Variants in PRKN observed in about 807,000 individuals in gnomAD.
PRKN encodes E3 ubiquitin-protein ligase parkin.
Under a neutral mutation model 59.5 loss-of-function variants are expected in PRKN, and 56 were observed. The observed-to-expected ratio is 0.94, with a 90% CI of 0.76 to 1.18. PRKN has a LOEUF of 1.18. PRKN is among the 50% of genes most tolerant of loss of function. PRKN has a pLI of 0.00. For missense variants in PRKN, 657 were observed against 596.4 expected, an observed-to-expected ratio of 1.10 and a Z score of -1.06; for synonymous variants, 250 against 222.1, an observed-to-expected ratio of 1.13 and a Z score of -1.12.
At chr6:161,422,310 T>C (rs1788140975) in intron 9 of PRKN, among the ~76,000 whole-genome samples, 1 of 151,588 alleles carries the variant, frequency 6.6e-6, no homozygotes, top group Non-Finnish European at 1.5e-5. Flanking sequence ...GTGGTTCTCC[T>C]GCTTCAGCCT....
At chr6:162,513,616 A>C (rs976203715) in intron 1 of PRKN, among the ~76,000 whole-genome samples, 1 of 152,168 alleles carries the variant, frequency 6.6e-6, no homozygotes, top group East Asian at 1.9e-4. Context: ...TCATGACTGG[A>C]CTGTCAAAGT....
chr6:162,213,785 T>C (rs915822952), intron 3 of PRKN, among the ~76,000 whole-genome samples: 4 of 140,394 alleles, frequency 2.8e-5, no homozygotes, highest in African/African-American at 1.1e-4. Flanking sequence ...ATAGTAAAAA[T>C]ATTTCCAAAA....
At chr6:161,794,517 G>A (rs1323470214) in intron 6 of PRKN, among the ~76,000 whole-genome samples, 1 of 152,128 alleles carries the variant, frequency 6.6e-6, no homozygotes, top group Non-Finnish European at 1.5e-5. Flanking sequence ...CTTCCATCCT[G>A]ACAGTTCTTG....
At chr6:162,076,297 A>T (rs927742216) in intron 4 of PRKN, among the ~76,000 whole-genome samples, 2 of 152,116 alleles carry the variant, frequency 1.3e-5, no homozygotes, top group Admixed American at 1.3e-4. Context: ...TCCAAAAAAA[A>T]CCAAATAAGA....
In PRKN at chr6:161,575,848, T is replaced by C. The variant is rs1781110813; in HGVS notation, c.872-6432A>G. Reference sequence around the variant, plus strand: ...TTACAGTGACCTTCTATTTCCCCCCTAAGTACAACTTAGAAAAGGAAACCG... The same window carrying C: ...TTACAGTGACCTTCTATTTCCCCCCCAAGTACAACTTAGAAAAGGAAACCG... On this transcript the variant is annotated intron_variant, in intron 7 of 11. Transcript: ENST00000366898. The surrounding 1 kb of genome is among the most constrained non-coding windows in gnomAD (Gnocchi z 4.6). Among the ~76,000 whole-genome samples the C allele has an allele frequency of 2.6e-5, 4 of 152,306 alleles. No homozygotes were observed. In the South Asian group the frequency reaches 8.3e-4, roughly 32 times the overall value.
chr6:162,038,660 A>C (rs1783939879), intron 5 of PRKN, among the ~76,000 whole-genome samples: 1 of 152,218 alleles, frequency 6.6e-6, no homozygotes, highest in African/African-American at 2.4e-5. Context: ...ACTACAGAAA[A>C]ATAAACCATC....
intron 7 of PRKN, among the ~76,000 whole-genome samples, chr6:161,638,002 T>C (rs532083639): frequency 6.6e-6 from 1 of 152,336 alleles, no homozygotes; most frequent in East Asian, 1.9e-4. Context: ...CTTGCTTTTA[T>C]TTTTCTATCC....
intron 3 of PRKN, among the ~76,000 whole-genome samples, chr6:162,214,715 GATAA>G (rs1172682186): frequency 2.6e-5 from 4 of 152,136 alleles, no homozygotes; most frequent in Non-Finnish European, 5.9e-5. Context: ...TTTCTTAGTT[GATAA>G]ATAGATAGAT....
chr6:161,757,278 T>C, intron 7 of PRKN, among the ~76,000 whole-genome samples: 1 of 152,086 alleles, frequency 6.6e-6, no homozygotes, highest in East Asian at 1.9e-4. Flanking sequence ...AAGACACTGT[T>C]AAGAAAATGA....
At chr6:161,830,775 A>G (rs1792466051) in intron 6 of PRKN, among the ~76,000 whole-genome samples, 1 of 152,148 alleles carries the variant, frequency 6.6e-6, no homozygotes, top group South Asian at 2.1e-4. Context: ...TTTTTTACTT[A>G]TGATTTTGTA....
chr6:161,860,546 T>C (rs1450194741), intron 6 of PRKN, among the ~76,000 whole-genome samples: 1 of 152,204 alleles, frequency 6.6e-6, no homozygotes, highest in African/African-American at 2.4e-5. Context: ...AACTCCCTCT[T>C]TCGGTCAGTA....
chr6:161,523,540 C>A (rs1042883022), intron 9 of PRKN, among the ~76,000 whole-genome samples: 30 of 152,152 alleles, frequency 2.0e-4, no homozygotes, highest in Non-Finnish European at 4.0e-4. Flanking sequence ...GCATTAGACA[C>A]AAAATCGCAA....
chr6:162,317,806 G>A (rs535557954), intron 2 of PRKN, among the ~76,000 whole-genome samples: 2 of 152,064 alleles, frequency 1.3e-5, no homozygotes, highest in East Asian at 3.9e-4. Context: ...TATATCCTGG[G>A]AAGGACAGAC....
At chr6:162,645,425 TG>T (rs1213096648) in intron 1 of PRKN, among the ~76,000 whole-genome samples, 1 of 152,170 alleles carries the variant, frequency 6.6e-6, no homozygotes, top group African/African-American at 2.4e-5. Context: ...AAACCTTACC[TG>T]TCTTACAGAA....
Position 161,529,675 on chromosome 6 carries a change from A to G in PRKN, c.1083+19179T>C, listed in dbSNP as rs899969660. On this transcript the variant is annotated intron_variant, in intron 9 of 11. Coordinates refer to ENST00000366898, the MANE Select transcript of PRKN (RefSeq NM_004562.3). The surrounding 1 kb of genome is among the most constrained non-coding windows in gnomAD (Gnocchi z 4.4). ...GCTGTTTTGGAAGAAGCTGTCCTAC[A>G]TATAAGTTGTCTTCTGCAAAATAAG... is the stretch of plus-strand genomic sequence containing the variant. 6.6e-6 allele frequency among the ~76,000 whole-genome samples: 1 copy of G among 152,244 alleles called. No homozygotes were observed. Among genetic ancestry groups the G allele is most frequent in the Non-Finnish European group, 1.5e-5 (1 of 68,036 alleles).
Position 161,582,194 on chromosome 6 carries a change from G to A in PRKN, c.872-12778C>T, listed in dbSNP as rs1459246697. On this transcript the variant is annotated intron_variant, in intron 7 of 11. Coordinates refer to ENST00000366898, the MANE Select transcript of PRKN (RefSeq NM_004562.3). This position sits in a 1 kb window ranked among gnomAD's most constrained non-coding sequence, Gnocchi z 4.4. Reference sequence around the variant, plus strand: ...AGTTTTAAAGGAGATATTTTAAAAGGTAGAATTTCCAATGACAACCCAATT... The same window carrying A: ...AGTTTTAAAGGAGATATTTTAAAAGATAGAATTTCCAATGACAACCCAATT... Among the ~76,000 whole-genome samples, 1 of 152,110 alleles carries A rather than the reference G, an allele frequency of 6.6e-6. No homozygotes were observed. The highest frequency in any genetic ancestry group is 6.5e-5 in the Admixed American group (1 of 15,282).
chr6:162,013,461 GA>G (rs1782814508), intron 5 of PRKN, among the ~76,000 whole-genome samples: 1 of 152,108 alleles, frequency 6.6e-6, no homozygotes. Context: ...TTTTAGTGGA[GA>G]AAATGTTCAG....
rs1174177101 is a variant in PRKN, at chr6:161,417,706, T to A, written c.1084-30829A>T. Among the ~76,000 whole-genome samples, 2 of 152,260 alleles carry A rather than the reference T, an allele frequency of 1.3e-5. No homozygotes were observed. The highest frequency in any genetic ancestry group is 1.3e-4 in the Admixed American group (2 of 15,298). On this transcript the variant is annotated intron_variant, in intron 9 of 11. Coordinates refer to ENST00000366898, the MANE Select transcript of PRKN (RefSeq NM_004562.3). The surrounding 1 kb of genome is among the most constrained non-coding windows in gnomAD (Gnocchi z 5.4). Reference sequence around the variant, plus strand: ...CAGGTTAAATAACTTTCACAACACATTGGAAATTTAGGCTGCCAATTAGTC... The same window carrying A: ...CAGGTTAAATAACTTTCACAACACAATGGAAATTTAGGCTGCCAATTAGTC...
At chr6:162,114,767 G>A (rs1780594240) in intron 4 of PRKN, among the ~76,000 whole-genome samples, 1 of 151,616 alleles carries the variant, frequency 6.6e-6, no homozygotes, top group Admixed American at 6.6e-5. Flanking sequence ...CTGGCCATCA[G>A]AGAAATGCAA....
Sources: allele counts gnomAD v4.1 joint callset (sites outside exome capture counted in the v4.1 genomes callset), GRCh38; gene constraint gnomAD v4.1.1; non-coding constraint Gnocchi (gnomAD v3.1); transcripts MANE v1.5; gene names NCBI Gene and HGNC (gene_info 2026-07-23, HGNC 2026-07-21).